GABRB1: variants seen among roughly 807,000 people sequenced by gnomAD.
GABRB1 encodes the protein gamma-aminobutyric acid type A receptor subunit beta1, also known as gamma-aminobutyric acid receptor subunit beta-1.
In GABRB1, 17 loss-of-function variants were observed where a neutral mutation model predicts 51.6. The observed-to-expected ratio is 0.33, with a 90% CI of 0.23 to 0.49. The LOEUF (loss-of-function observed/expected upper bound fraction) is 0.49. Ranked by LOEUF, GABRB1 falls within the 20% of genes least tolerant of loss-of-function variation. GABRB1 has a pLI of 0.99. For synonymous variants in GABRB1, 247 were observed against 218.9 expected (o/e 1.13, Z -1.14); for missense variants, 410 against 600.6 (o/e 0.68, Z 3.32).
intron 3 of GABRB1, among the ~76,000 whole-genome samples, chr4:47,041,583 T>C (rs1441642497): frequency 6.6e-6 from 1 of 152,130 alleles, no homozygotes. Flanking sequence ...GTGAATCCCA[T>C]TTGAATGATA....
intron 4 of GABRB1, among the ~76,000 whole-genome samples, chr4:47,254,563 G>A (rs960506923): frequency 6.6e-6 from 1 of 151,360 alleles, no homozygotes; most frequent in Non-Finnish European, 1.5e-5. Flanking sequence ...TAGTAGAGAC[G>A]GGGTTTCACC....
At chr4:47,249,864 G>T (rs907810478) in intron 4 of GABRB1, among the ~76,000 whole-genome samples, 1 of 152,146 alleles carries the variant, frequency 6.6e-6, no homozygotes, top group African/African-American at 2.4e-5. Context: ...TAGTAGATTG[G>T]TGAGTTCTTA....
intron 4 of GABRB1, among the ~76,000 whole-genome samples, chr4:47,310,618 T>C (rs533748667): frequency 1.3e-5 from 2 of 152,178 alleles, no homozygotes; most frequent in Non-Finnish European, 2.9e-5. Flanking sequence ...CTAGTCTATC[T>C]GGGTTTGAAT....
chr4:47,252,019 C>G (rs887979957), intron 4 of GABRB1, among the ~76,000 whole-genome samples: 3 of 152,102 alleles, frequency 2.0e-5, no homozygotes, highest in Admixed American at 1.3e-4. Flanking sequence ...CTTCTTGCCC[C>G]TTTCAAATTG....
At chr4:47,154,858 A>G (rs927291658) in intron 3 of GABRB1, among the ~76,000 whole-genome samples, 1 of 152,018 alleles carries the variant, frequency 6.6e-6, no homozygotes, top group Non-Finnish European at 1.5e-5. Flanking sequence ...TTCTTTCTCT[A>G]CAGGCTAGCT....
At chr4:47,266,974 T>C (rs1722663570) in intron 4 of GABRB1, among the ~76,000 whole-genome samples, 1 of 151,910 alleles carries the variant, frequency 6.6e-6, no homozygotes, top group South Asian at 2.1e-4. Context: ...TGGATAACAG[T>C]AAAAAAGAAC....
At chr4:47,014,124 A>G (rs1203526552) in intron 1 of GABRB1, among the ~76,000 whole-genome samples, 1 of 152,202 alleles carries the variant, frequency 6.6e-6, no homozygotes, top group Non-Finnish European at 1.5e-5. Context: ...TCAACTCTAA[A>G]AACACTAGAG....
intron 3 of GABRB1, among the ~76,000 whole-genome samples, chr4:47,110,079 T>C (rs1560538757): frequency 6.6e-6 from 1 of 152,150 alleles, no homozygotes; most frequent in Non-Finnish European, 1.5e-5. Context: ...GAGATGAATT[T>C]GTTCAGGAAC....
intron 8 of GABRB1, among the ~76,000 whole-genome samples, chr4:47,420,061 A>G (rs1214361104): frequency 6.6e-6 from 1 of 152,240 alleles, no homozygotes; most frequent in Non-Finnish European, 1.5e-5. Flanking sequence ...TATATGATTA[A>G]TATACTGCAG....
intron 5 of GABRB1, among the ~76,000 whole-genome samples, chr4:47,382,012 G>T (rs778118351): frequency 6.6e-6 from 1 of 152,198 alleles, no homozygotes; most frequent in African/African-American, 2.4e-5. Flanking sequence ...GGGATAAGGT[G>T]CTTGGATTAT....
intron 8 of GABRB1, among the ~76,000 whole-genome samples, chr4:47,411,464 G>A (rs1560374815): frequency 6.6e-6 from 1 of 152,150 alleles, no homozygotes; most frequent in Non-Finnish European, 1.5e-5. Context: ...TAGAGATGGA[G>A]AACAGATTAG....
intron 4 of GABRB1, among the ~76,000 whole-genome samples, chr4:47,166,247 T>C (rs1038826667): frequency 6.6e-6 from 1 of 152,088 alleles, no homozygotes; most frequent in Non-Finnish European, 1.5e-5. Context: ...ACTGCGTAAG[T>C]CCATTTATTG....
intron 5 of GABRB1, among the ~76,000 whole-genome samples, chr4:47,322,816 C>T (rs917146940): frequency 3.9e-5 from 6 of 151,916 alleles, no homozygotes; most frequent in African/African-American, 1.2e-4. Flanking sequence ...ACTAAAAATA[C>T]AAAAATTAGC....
intron 1 of GABRB1, among the ~76,000 whole-genome samples, chr4:47,011,611 A>G (rs575155735): frequency 6.6e-6 from 1 of 152,266 alleles, no homozygotes; most frequent in South Asian, 2.1e-4. Flanking sequence ...TGTTCCAGTC[A>G]TGGTGGTGGG....
intron 3 of GABRB1, among the ~76,000 whole-genome samples, chr4:47,117,997 T>G (rs1715582048): frequency 6.6e-6 from 1 of 152,200 alleles, no homozygotes; most frequent in Non-Finnish European, 1.5e-5. Flanking sequence ...CTTGTCCACT[T>G]CTGTATATTC....
intron 3 of GABRB1, among the ~76,000 whole-genome samples, chr4:47,041,055 G>T (rs950443397): frequency 1.3e-5 from 2 of 152,118 alleles, no homozygotes; most frequent in African/African-American, 4.8e-5. Flanking sequence ...CTGGAACATT[G>T]TGTTTCCATG....
intron 4 of GABRB1, among the ~76,000 whole-genome samples, chr4:47,255,238 T>C (rs1225067632): frequency 1.3e-5 from 2 of 152,202 alleles, no homozygotes; most frequent in East Asian, 3.8e-4. Context: ...TTAAATAGAG[T>C]TCACATCATT....
chr4:47,015,056 G>A (rs1382980136), intron 1 of GABRB1, among the ~76,000 whole-genome samples: 5 of 152,052 alleles, frequency 3.3e-5, no homozygotes. Flanking sequence ...ACAGGCACAC[G>A]CCACCACACC....
At chr4:47,288,997 C>A (rs1723622576) in intron 4 of GABRB1, among the ~76,000 whole-genome samples, 1 of 151,814 alleles carries the variant, frequency 6.6e-6, no homozygotes. Context: ...TAAAGATGAT[C>A]AATATAGATG....
Sources: allele counts gnomAD v4.1 joint callset (sites outside exome capture counted in the v4.1 genomes callset), GRCh38; gene constraint gnomAD v4.1.1; transcripts MANE v1.5; gene names NCBI Gene and HGNC (gene_info 2026-07-23, HGNC 2026-07-21).